The following PTPRD variants were observed in gnomAD, a reference collection of about 807,000 sequenced individuals.
PTPRD encodes the protein receptor-type tyrosine-protein phosphatase delta.
Under a neutral mutation model 214.5 loss-of-function variants are expected in PTPRD, and 34 were observed. The observed-to-expected ratio is 0.16, with a 90% CI of 0.12 to 0.21. PTPRD has a LOEUF of 0.21. PTPRD is among the 10% of genes least tolerant of loss of function. PTPRD has a pLI of 1.00. For synonymous variants in PTPRD, 1,128 were observed against 845.7 expected (o/e 1.33, Z -5.79); for missense variants, 2,545 against 2,398.7 (o/e 1.06, Z -1.27).
chr9:8,803,046 G>C (rs918657429), intron 11 of PTPRD, among the ~76,000 whole-genome samples: 7 of 152,056 alleles, frequency 4.6e-5, no homozygotes, highest in Admixed American at 1.3e-4. Flanking sequence ...AACAGAGCAA[G>C]ACCTCAGCTC....
intron 12 of PTPRD, among the ~76,000 whole-genome samples, chr9:8,660,755 A>G (rs1210079003): frequency 6.6e-6 from 1 of 152,142 alleles, no homozygotes; most frequent in East Asian, 1.9e-4. Flanking sequence ...AACCTCAAAG[A>G]AGTAAGGTTT....
At chr9:10,610,793 G>A (rs918249838) in intron 2 of PTPRD, among the ~76,000 whole-genome samples, 1 of 151,944 alleles carries the variant, frequency 6.6e-6, no homozygotes, top group African/African-American at 2.4e-5. Context: ...CTGTTCTATT[G>A]TCCTGTCTCA....
At chr9:9,806,225 G>A (rs1430356553) in intron 5 of PTPRD, among the ~76,000 whole-genome samples, 1 of 151,940 alleles carries the variant, frequency 6.6e-6, no homozygotes, top group Non-Finnish European at 1.5e-5. Flanking sequence ...AGATGGTCAG[G>A]CCGTTATCAC....
chr9:8,583,791 G>A (rs962976595), intron 14 of PTPRD, among the ~76,000 whole-genome samples: 1 of 152,188 alleles, frequency 6.6e-6, no homozygotes, highest in African/African-American at 2.4e-5. Flanking sequence ...ATGCATGACA[G>A]AAGAGTAGAA....
chr9:9,440,962 G>A (rs954309441), intron 8 of PTPRD, among the ~76,000 whole-genome samples: 1 of 152,204 alleles, frequency 6.6e-6, no homozygotes, highest in African/African-American at 2.4e-5. Flanking sequence ...AAGTCAAGCT[G>A]ATCTTCAGGC....
At chr9:9,813,178 A>G (rs1470064983) in intron 5 of PTPRD, among the ~76,000 whole-genome samples, 1 of 152,082 alleles carries the variant, frequency 6.6e-6, no homozygotes, top group Non-Finnish European at 1.5e-5. Flanking sequence ...ATAGTGACAA[A>G]TGCTTACATT....
At chr9:10,225,630 C>T (rs999047255) in intron 3 of PTPRD, among the ~76,000 whole-genome samples, 5 of 151,992 alleles carry the variant, frequency 3.3e-5, no homozygotes, top group Non-Finnish European at 5.9e-5. Context: ...CCTTGCTTTT[C>T]TCTTTTGCAA....
At chr9:10,549,530 G>A (rs969884011) in intron 2 of PTPRD, among the ~76,000 whole-genome samples, 1 of 152,128 alleles carries the variant, frequency 6.6e-6, no homozygotes, top group Non-Finnish European at 1.5e-5. Flanking sequence ...GTGCAACTTG[G>A]AGTATGTACG....
chr9:9,711,471 C>G (rs1182692602), intron 7 of PTPRD, among the ~76,000 whole-genome samples: 1 of 151,924 alleles, frequency 6.6e-6, no homozygotes, highest in Non-Finnish European at 1.5e-5. Context: ...CAAAAACAGG[C>G]TAAAATAAAA....
Position 9,455,956 on chromosome 9 carries a change from C to T in PTPRD, c.-236-58474G>A, listed in dbSNP as rs1034004081. On this transcript the variant is annotated intron_variant, in intron 8 of 45. Coordinates refer to ENST00000381196, the MANE Select transcript of PTPRD (RefSeq NM_002839.4). The stretch of plus-strand genomic sequence containing the variant: ...TTAATTGATTAAAAGAAAGGCCAAC[C>T]TTGAACAATCAATATTTAACCCATT... Among the ~76,000 whole-genome samples the T allele has an allele frequency of 5.9e-5, 9 of 151,594 alleles. 1 individual carries two copies.
Position 8,733,796 on chromosome 9 carries a change from G to A in PTPRD, c.48C>T (p.Leu16=), listed in dbSNP as rs560035247. ...ATGGCTTACTCTCAGCATCCGTGCG[G>A]AGGAAGAAAGTGAGGAGCAGCAGCA... The part of the protein sequence containing the change: ...RLLLLLLTFF[L]RTDAETPPRF... Residue 16 remains leucine, a synonymous_variant, in exon 12 of 46, where the codon CTC becomes CTT. Transcript: ENST00000381196. The A allele has an allele frequency of 2.6e-6, 4 of 1,553,044 alleles. No homozygotes were observed. Among genetic ancestry groups the A allele is most frequent in the African/African-American group, 2.7e-5 (2 of 73,272 alleles).
intron 9 of PTPRD, among the ~76,000 whole-genome samples, chr9:9,362,684 C>T (rs2056613357): frequency 6.6e-6 from 1 of 151,268 alleles, no homozygotes. Flanking sequence ...TGCTCACAGC[C>T]TGCCAATAGA....
chr9:9,689,311 T>G (rs535923159), intron 7 of PTPRD, among the ~76,000 whole-genome samples: 1 of 151,998 alleles, frequency 6.6e-6, no homozygotes, highest in Non-Finnish European at 1.5e-5. Flanking sequence ...TGTTAATCAT[T>G]CCAGAAATAA....
chr9:10,545,943 C>G (rs1271828622), intron 2 of PTPRD, among the ~76,000 whole-genome samples: 1 of 152,078 alleles, frequency 6.6e-6, no homozygotes, highest in East Asian at 1.9e-4. Context: ...ATAATAGAGT[C>G]TCATCTTCAG....
At chr9:9,974,684 T>C (rs1171321959) in intron 4 of PTPRD, among the ~76,000 whole-genome samples, 5 of 152,202 alleles carry the variant, frequency 3.3e-5, no homozygotes, top group African/African-American at 1.2e-4. Context: ...TACACAGTTA[T>C]GGCAAGCATA....
At chr9:8,619,965 C>T (rs536483441) in intron 14 of PTPRD, among the ~76,000 whole-genome samples, 2 of 152,124 alleles carry the variant, frequency 1.3e-5, no homozygotes, top group Admixed American at 6.6e-5. Flanking sequence ...GGTCAAGCCA[C>T]CTCTGAATCT....
chr9:8,416,512 C>T (rs2093949556), intron 35 of PTPRD, among the ~76,000 whole-genome samples: 1 of 152,138 alleles, frequency 6.6e-6, no homozygotes. Context: ...CATGTGACTT[C>T]CTCTTGTCAT....
At chr9:10,200,255 T>A (rs929726031) in intron 3 of PTPRD, among the ~76,000 whole-genome samples, 2 of 152,114 alleles carry the variant, frequency 1.3e-5, no homozygotes, top group Admixed American at 1.3e-4. Flanking sequence ...TTTAAATCTG[T>A]TTCCCATAGA....
chr9:8,647,821 C>G (rs1052940806), intron 12 of PTPRD, among the ~76,000 whole-genome samples: 1 of 152,196 alleles, frequency 6.6e-6, no homozygotes, highest in Non-Finnish European at 1.5e-5. Context: ...TTTTTATCCA[C>G]TGTCCAAAAT....
Sources: gnomAD v4.1 joint callset for allele counts (sites outside exome capture counted in the v4.1 genomes callset) on GRCh38, gnomAD v4.1.1 for gene constraint, MANE v1.5 for transcripts, NCBI Gene and HGNC (gene_info 2026-07-23, HGNC 2026-07-21) for gene names.